The following FZR1 variants were observed in gnomAD, a reference collection of about 807,000 sequenced individuals.
The protein encoded by FZR1 is fizzy-related protein homolog.
FZR1 carries 11 observed loss-of-function variants against 63.6 expected under a neutral mutation model. That is an observed-to-expected ratio of 0.17 (90% confidence interval 0.11 to 0.29). The LOEUF is 0.29. Among genes scored for constraint, FZR1 ranks in the 10% least tolerant of loss-of-function variants. The pLI is 1.00. For synonymous variants in FZR1, 328 were observed against 297.9 expected (o/e 1.10, Z -1.04); for missense variants, 440 against 687.5 (o/e 0.64, Z 4.03).
In FZR1 at chr19:3,529,063, T is replaced by A. The variant is rs1479369010; in HGVS notation, c.654+1249T>A. Among the ~76,000 whole-genome samples the A allele has an allele frequency of 5.6e-5, 7 of 124,462 alleles. No homozygotes were observed. The South Asian group carries it at 1.3e-3, about 24-fold the overall frequency. 81.7% of individuals were successfully genotyped at this position (124,462 alleles called of 152,430 possible). ...GTGAGAGGATGGGAGTGCGGATGCTTGAGCGGATGGGAGAGCGGATGGGAG... is the reference window on the plus strand; with the variant it reads ...GTGAGAGGATGGGAGTGCGGATGCTAGAGCGGATGGGAGAGCGGATGGGAG... On this transcript the variant is annotated intron_variant, in intron 7 of 13. Coordinates refer to ENST00000441788, the MANE Select transcript of FZR1 (RefSeq NM_016263.4).
rs1390601370 is a variant in FZR1, at chr19:3,535,955, GC to G, written c.*1120del. The G allele has an allele frequency of 6.6e-6, 1 of 152,354 alleles. No homozygotes were observed. Among genetic ancestry groups the G allele is most frequent in the East Asian group, 1.9e-4 (1 of 5,178 alleles). 9.4% of individuals were successfully genotyped at this position (152,354 alleles called of 1,614,324 possible). A position where few individuals can be genotyped will look rare whatever the true frequency, so the allele number is the denominator to read the frequency against. On this transcript the variant is annotated 3_prime_UTR_variant, in exon 14 of 14. Coordinates refer to ENST00000441788, the MANE Select transcript of FZR1 (RefSeq NM_016263.4). ...GGCTGCACAGCAGGCAGGGAGGGAG[GC>G]AAGGCAGGGGAGTGGGGCCTGAGCT...
intron 7 of FZR1, among the ~76,000 whole-genome samples, chr19:3,530,398 G>GCAT (rs2083232234): frequency 7.5e-6 from 1 of 133,062 alleles, no homozygotes; most frequent in South Asian, 2.5e-4. Context: ...ATGGGTGAGC[G>GCAT]GATGGGAGAG....
intron 7 of FZR1, among the ~76,000 whole-genome samples, chr19:3,530,296 G>A (rs2083230097): frequency 7.1e-6 from 1 of 139,990 alleles, no homozygotes; most frequent in Non-Finnish European, 1.6e-5. Flanking sequence ...GAGAGCGCAG[G>A]GGAGAGCGGA....
intron 1 of FZR1, among the ~76,000 whole-genome samples, chr19:3,509,295 C>G (rs532603812): frequency 6.6e-6 from 1 of 152,164 alleles, no homozygotes; most frequent in Non-Finnish European, 1.5e-5. Flanking sequence ...GAGGGGCACA[C>G]AAGCAGCCTG....
intron 7 of FZR1, among the ~76,000 whole-genome samples, chr19:3,529,251 AGGGAGTGGATGG>A (rs1378633724): frequency 8.5e-6 from 1 of 117,950 alleles, no homozygotes; most frequent in African/African-American, 3.3e-5. Flanking sequence ...AGAGTGGTTG[AGGGAGTGGATGG>A]GAGAGTGGAT....
rs2083051608 is a variant in FZR1, at chr19:3,515,387, G to A, written c.-34-7569G>A. On this transcript the variant is annotated intron_variant, in intron 1 of 13. Transcript: ENST00000441788. The surrounding 1 kb of genome is among the most constrained non-coding windows in gnomAD (Gnocchi z 4.6). ...TCCAGCAAAGGAGGGAGAATGCGGT[G>A]GTGCCCGGTCTCATCCGGAGCCTGC... Among the ~76,000 whole-genome samples, 1 of 152,288 alleles carries A rather than the reference G, an allele frequency of 6.6e-6. No homozygotes were observed. Among genetic ancestry groups the A allele is most frequent in the African/African-American group, 2.4e-5 (1 of 41,558 alleles).
rs373811234 is a variant in FZR1 at position 3,526,519 on chromosome 19, G to T, written c.387+133G>T. The T allele has an allele frequency of 1.8e-5, 12 of 676,454 alleles. No homozygotes were observed. Among genetic ancestry groups the T allele is most frequent in the East Asian group, 1.1e-4 (4 of 36,632 alleles). The allele number at this position is 676,454 out of a possible 1,614,324, so 41.9% of individuals were successfully genotyped here. On this transcript the variant is annotated intron_variant, in intron 5 of 13. Coordinates refer to ENST00000441788, the MANE Select transcript of FZR1 (RefSeq NM_016263.4). The surrounding 1 kb of genome is among the most constrained non-coding windows in gnomAD (Gnocchi z 5.4). ...AGCCACGGCTCAGCACCCCCGCCCT[G>T]ACCCTGTTCCTTAGCCAGGTCAGGG...
rs377199495 is a variant in FZR1 at position 3,531,905 on chromosome 19, C to T, written c.824-6C>T. The T allele has an allele frequency of 3.8e-6, 6 of 1,590,350 alleles. No homozygotes were observed. Among genetic ancestry groups the T allele is most frequent in the South Asian group, 1.1e-5 (1 of 87,674 alleles). ...AGGCTCACCCCCGCTTCCACCTGGC[C>T]TCCAGGGGCGCTGGCCTGGAATGCT... On this transcript the variant is annotated splice_polypyrimidine_tract_variant and splice_region_variant and intron_variant, in intron 9 of 13. Coordinates refer to ENST00000441788, the MANE Select transcript of FZR1 (RefSeq NM_016263.4).
At chr19:3,509,155 C>T (rs1051640507) in intron 1 of FZR1, among the ~76,000 whole-genome samples, 1 of 150,584 alleles carries the variant, frequency 6.6e-6, no homozygotes, top group African/African-American at 2.5e-5. Context: ...CAGCACAGAG[C>T]CAGAGCCCCT....
intron 1 of FZR1, among the ~76,000 whole-genome samples, chr19:3,512,964 GTCTT>G (rs1444728077): frequency 1.3e-5 from 2 of 152,130 alleles, no homozygotes; most frequent in African/African-American, 2.4e-5. Flanking sequence ...TTTGTGGGGG[GTCTT>G]TCTTATCTGG....
Position 3,516,238 on chromosome 19 carries a change from C to T in FZR1, c.-34-6718C>T, listed in dbSNP as rs1350109731. 6.6e-6 allele frequency among the ~76,000 whole-genome samples: 1 copy of T among 152,218 alleles called. No individual in the cohort carries two copies. The highest frequency in any genetic ancestry group is 1.5e-5 in the Non-Finnish European group (1 of 68,044). ...GAGTCCCCCAGCCCACAGCCTCCCC[C>T]ACCGTCTGACGGGCGGGAGGGTGGT... is the stretch of plus-strand genomic sequence containing the variant. On this transcript the variant is annotated intron_variant, in intron 1 of 13. Coordinates refer to ENST00000441788, the MANE Select transcript of FZR1 (RefSeq NM_016263.4). The surrounding 1 kb of genome is among the most constrained non-coding windows in gnomAD (Gnocchi z 6.0).
intron 8 of FZR1, 49 bp from the exon 9 acceptor site, chr19:3,531,665 C>A (rs1413482732): frequency 7.4e-7 from 1 of 1,346,432 alleles, no homozygotes; most frequent in Non-Finnish European, 1.0e-6. Flanking sequence ...CGGGCACAGT[C>A]CCCGGGCCAG....
Position 3,525,630 on chromosome 19 carries a change from G to A in FZR1, c.70-238G>A, listed in dbSNP as rs2083148579. Among the ~76,000 whole-genome samples, 1 of 151,900 alleles carries A rather than the reference G, an allele frequency of 6.6e-6. No individual in the cohort carries two copies. The highest frequency in any genetic ancestry group is 2.4e-5 in the African/African-American group (1 of 41,360). On this transcript the variant is annotated intron_variant, in intron 2 of 13. Transcript: ENST00000441788. This position sits in a 1 kb window ranked among gnomAD's most constrained non-coding sequence, Gnocchi z 4.2. ...GCTGATTTTTTGTATTTTTAGTAGA[G>A]ACGAGGTTTCACAGTGTTAGCCAGG...
rs373925960 is a variant in FZR1, at chr19:3,526,951, G to A, written c.388-29G>A. The A allele has an allele frequency of 6.7e-5, 104 of 1,555,188 alleles. No homozygotes were observed. Among genetic ancestry groups the A allele is most frequent in the East Asian group, 3.1e-4 (14 of 44,622 alleles). ...TGAGGGTCCTGCGGCCTGGGCGTGC[G>A]CTCAGCTGGCATGTCCCCCGCTCCA... On this transcript the variant is annotated intron_variant, in intron 5 of 13. Transcript: ENST00000441788. This position sits in a 1 kb window ranked among gnomAD's most constrained non-coding sequence, Gnocchi z 5.4.
chr19:3,518,588 C>G (rs1263577398), intron 1 of FZR1, among the ~76,000 whole-genome samples: 1 of 152,210 alleles, frequency 6.6e-6, no homozygotes, highest in Non-Finnish European at 1.5e-5. Flanking sequence ...CCATGGGTCC[C>G]TCTGCGAGGT....
chr19:3,534,339 C>A (rs2083276321), intron 12 of FZR1, 82 bp from the exon 13 acceptor site: 1 of 741,526 alleles, frequency 1.3e-6, no homozygotes, highest in Non-Finnish European at 2.3e-6. Flanking sequence ...CGACACCTTG[C>A]TCCCCTCTCC....
Position 3,525,746 on chromosome 19 carries a change from C to G in FZR1, c.70-122C>G. ...CGTGAGCCACCGCGCCTGGCCCACC[C>G]CTTGGGTTTTCAAGATCAAAGCCCC... On this transcript the variant is annotated intron_variant, in intron 2 of 13. Coordinates refer to ENST00000441788, the MANE Select transcript of FZR1 (RefSeq NM_016263.4). The surrounding 1 kb of genome is among the most constrained non-coding windows in gnomAD (Gnocchi z 4.2). 2 of 1,253,538 alleles carry G rather than the reference C, an allele frequency of 1.6e-6. No homozygotes were observed. Among genetic ancestry groups the G allele is most frequent in the Non-Finnish European group, 2.2e-6 (2 of 902,266 alleles). The allele number at this position is 1,253,538 out of a possible 1,614,324, so 77.7% of individuals were successfully genotyped here. A position where few individuals can be genotyped will look rare whatever the true frequency, so the allele number is the denominator to read the frequency against.
chr19:3,534,799 C>T lies in FZR1; in HGVS notation c.1445C>T (p.Ser482Phe), dbSNP rs1441144502. 6.2e-7 allele frequency: 1 copy of T among 1,612,754 alleles called. No individual in the cohort carries two copies. Among genetic ancestry groups the T allele is most frequent in the African/African-American group, 1.3e-5 (1 of 74,924 alleles). Residue 482 changes from serine to phenylalanine, a missense_variant, in exon 14 of 14, where the codon TCT becomes TTT. By Grantham distance (155) the Ser-to-Phe change is radical. Transcript: ENST00000441788. The stretch of plus-strand genomic sequence containing the variant: ...GCCATCCCCATGTGTCTGCAGGAGT[C>T]TGTGTCTGTGCTCAACCTCTTCACC... ...VFSKTRSTKE[S>F]VSVLNLFTRI...
At chr19:3,527,457 C>T (rs1246379072) in intron 6 of FZR1, among the ~76,000 whole-genome samples, 174 bp from the exon 7 acceptor site, 2 of 152,142 alleles carry the variant, frequency 1.3e-5, no homozygotes, top group South Asian at 2.1e-4. Context: ...GCCAGACACC[C>T]GAGGGTGAAG....
Sources: allele counts gnomAD v4.1 joint callset (sites outside exome capture counted in the v4.1 genomes callset), GRCh38; gene constraint gnomAD v4.1.1; non-coding constraint Gnocchi (gnomAD v3.1); transcripts MANE v1.5; gene names NCBI Gene and HGNC (gene_info 2026-07-23, HGNC 2026-07-21).